GPHN: variants seen among roughly 807,000 people sequenced by gnomAD.
GPHN encodes the protein gephyrin.
GPHN carries 17 observed loss-of-function variants against 95.5 expected under a neutral mutation model. That is an observed-to-expected ratio of 0.18 (90% CI 0.12 to 0.27). The LOEUF is 0.27. GPHN is among the 10% of genes least tolerant of loss of function. GPHN has a pLI of 1.00. For synonymous variants in GPHN, 320 were observed against 322.5 expected (o/e 0.99, Z 0.08); for missense variants, 660 against 978.1 (o/e 0.67, Z 4.34).
chr14:66,908,307 G>T (rs914685487), intron 5 of GPHN, among the ~76,000 whole-genome samples: 1 of 151,390 alleles, frequency 6.6e-6, no homozygotes, highest in Admixed American at 6.6e-5. Flanking sequence ...CACATTGGCG[G>T]GTATATATTA....
chr14:66,982,684 A>T (rs1236808613), intron 9 of GPHN, among the ~76,000 whole-genome samples: 1 of 152,192 alleles, frequency 6.6e-6, no homozygotes, highest in African/African-American at 2.4e-5. Context: ...GATTATCAAT[A>T]TATATAAGTA....
At chr14:66,964,528 G>C (rs2153587191) in intron 8 of GPHN, among the ~76,000 whole-genome samples, 1 of 152,354 alleles carries the variant, frequency 6.6e-6, no homozygotes, top group South Asian at 2.1e-4. Flanking sequence ...ATTAGTAACA[G>C]TGGGAACCAT....
chr14:66,542,099 T>G (rs2059373547), intron 1 of GPHN, among the ~76,000 whole-genome samples: 1 of 152,216 alleles, frequency 6.6e-6, no homozygotes, highest in Non-Finnish European at 1.5e-5. Context: ...CTTGTCTCAC[T>G]CTCACTTAAG....
At chr14:66,761,451 T>C (rs1340444139) in intron 2 of GPHN, among the ~76,000 whole-genome samples, 3 of 152,154 alleles carry the variant, frequency 2.0e-5, no homozygotes, top group Non-Finnish European at 1.5e-5. Context: ...TCAAATATTA[T>C]TTTGATTTTA....
intron 2 of GPHN, chr14:66,760,705 A>G (rs1268075442): frequency 2.2e-6 from 1 of 451,310 alleles, no homozygotes; most frequent in East Asian, 5.7e-5. Context: ...TCCATAAAGC[A>G]GCTGGCAAAG....
chr14:66,512,505 A>C (rs1215560573), intron 1 of GPHN, among the ~76,000 whole-genome samples: 1 of 151,860 alleles, frequency 6.6e-6, no homozygotes, highest in Non-Finnish European at 1.5e-5. Flanking sequence ...GGCATGAATG[A>C]GAAAAAGGTA....
At chr14:67,670,454 T>A in the GPHN span, among the ~76,000 whole-genome samples, 3 of 152,178 alleles carry the variant, frequency 2.0e-5, no homozygotes, top group Non-Finnish European at 4.4e-5. Flanking sequence ...TATATTCAGT[T>A]TGAAGTTTTT....
Position 66,739,520 on chromosome 14 carries a change from C to CTT in GPHN, c.144-36927_144-36926dup, listed in dbSNP as rs556885727. Among the ~76,000 whole-genome samples the CTT allele has an allele frequency of 5.4e-3, 735 of 135,156 alleles. 8 individuals carry two copies. Among genetic ancestry groups the CTT allele is most frequent in the South Asian group, 0.034 (144 of 4,188 alleles). The allele number at this position is 135,156 out of a possible 152,430, so 88.7% of individuals were successfully genotyped here. A position where few individuals can be genotyped will look rare whatever the true frequency, so the allele number is the denominator to read the frequency against. ...CGTGAGCCACCACCCCCGGCCCCTG[C>CTT]TTTTTTTTTTTTTTTTTTAAACAAA... On this transcript the variant is annotated intron_variant, in intron 2 of 22. Coordinates refer to ENST00000478722, the MANE Select transcript of GPHN (RefSeq NM_020806.5).
At chr14:67,356,934 A>G in the GPHN span, among the ~76,000 whole-genome samples, 10 of 152,376 alleles carry the variant, frequency 6.6e-5, no homozygotes, top group Non-Finnish European at 1.2e-4. Flanking sequence ...GTAGTACTGC[A>G]TATTCCAGCC....
chr14:66,763,970 C>A lies in GPHN; in HGVS notation c.144-12494C>A, dbSNP rs186183645. 5.6e-3 allele frequency among the ~76,000 whole-genome samples: 847 copies of A among 152,254 alleles called. 10 individuals carry two copies. Among genetic ancestry groups the A allele is most frequent in the Non-Finnish European group, 8.9e-3 (603 of 68,020 alleles). ...TGAGAATCGAATGCCTGAAGATCTG[C>A]CACTGTCTCCCATCACCCCCAGATG... is the stretch of plus-strand genomic sequence containing the variant. On this transcript the variant is annotated intron_variant, in intron 2 of 22. Transcript: ENST00000478722.
At chr14:67,266,291 A>G in the GPHN span, among the ~76,000 whole-genome samples, 1 of 152,294 alleles carries the variant, frequency 6.6e-6, no homozygotes, top group Middle Eastern at 3.4e-3. Context: ...TTTACTGAAT[A>G]ATAATTTCAG....
chr14:67,266,846 A>G, the GPHN span, among the ~76,000 whole-genome samples: 2 of 152,098 alleles, frequency 1.3e-5, no homozygotes, highest in East Asian at 3.9e-4. Flanking sequence ...ACAGTGGCTC[A>G]TGCCTGTAAT....
At chr14:67,010,424 C>T (rs568880711) in intron 9 of GPHN, among the ~76,000 whole-genome samples, 242 of 151,576 alleles carry the variant, frequency 1.6e-3, no homozygotes, top group African/African-American at 5.6e-3. Context: ...TGGTGGCGGG[C>T]ACCTGCAGTC....
intron 1 of GPHN, among the ~76,000 whole-genome samples, chr14:66,564,085 G>A (rs74817499): frequency 0.019 from 2,828 of 152,106 alleles, 80 homozygotes; most frequent in African/African-American, 0.064. Flanking sequence ...TACATCTGGG[G>A]AATTGATAGC....
intron 1 of GPHN, among the ~76,000 whole-genome samples, chr14:66,514,080 G>C (rs768831880): frequency 2.0e-5 from 3 of 151,746 alleles, no homozygotes; most frequent in African/African-American, 4.8e-5. Flanking sequence ...TTGTGTCAAG[G>C]GATACCTATA....
chr14:67,083,229 G>C (rs76868012), intron 11 of GPHN, among the ~76,000 whole-genome samples: 26 of 147,896 alleles, frequency 1.8e-4, no homozygotes, highest in Admixed American at 7.5e-4. Flanking sequence ...TTGGATCTAT[G>C]CCCCCCCCCC....
the GPHN span, chr14:67,585,364 C>T: frequency 1.1e-5 from 6 of 552,426 alleles, no homozygotes; most frequent in Non-Finnish European, 3.2e-6. Flanking sequence ...GTGGCCAGAG[C>T]CCCAAGGCCA....
At chr14:67,721,305 C>G in the GPHN span, among the ~76,000 whole-genome samples, 7 of 152,264 alleles carry the variant, frequency 4.6e-5, no homozygotes, top group East Asian at 1.4e-3. Flanking sequence ...ATCTCACACA[C>G]ATCCAGAGGC....
intron 4 of GPHN, among the ~76,000 whole-genome samples, chr14:66,874,459 C>T (rs772533440): frequency 5.9e-5 from 9 of 152,046 alleles, no homozygotes; most frequent in Non-Finnish European, 1.2e-4. Flanking sequence ...AAAACTCCTC[C>T]GAGCTAAAGG....
Sources: gnomAD v4.1 joint callset for allele counts (sites outside exome capture counted in the v4.1 genomes callset) on GRCh38, gnomAD v4.1.1 for gene constraint, MANE v1.5 for transcripts, NCBI Gene and HGNC (gene_info 2026-07-23, HGNC 2026-07-21) for gene names.